The following NBAS variants were observed in gnomAD, a reference collection of about 807,000 sequenced individuals.
The protein encoded by NBAS is NAG/BC035112 fusion.
In NBAS, 219 loss-of-function variants were observed where a neutral mutation model predicts 302.5. The ratio of observed to expected loss-of-function variants is 0.72; its 90% CI spans 0.65 to 0.81. The LOEUF is 0.81. Among genes scored for constraint, NBAS ranks in the 30% least tolerant of loss-of-function variants. The pLI, the probability that NBAS is intolerant of heterozygous loss-of-function variation, is 0.00. For missense variants in NBAS, 2,932 were observed against 2,841.6 expected (o/e 1.03, Z -0.72); for synonymous variants, 1,118 against 1,021.6 (o/e 1.09, Z -1.80).
chr2:14,793,034 A>G, the NBAS span, among the ~76,000 whole-genome samples: 33 of 151,920 alleles, frequency 2.2e-4, 1 homozygote, highest in Admixed American at 2.0e-3. Flanking sequence ...AAGAGACACT[A>G]GGATGTTCAT....
At chr2:15,245,020 G>A (rs981284651) in intron 44 of NBAS, among the ~76,000 whole-genome samples, 6 of 152,018 alleles carry the variant, frequency 3.9e-5, no homozygotes, top group Non-Finnish European at 7.4e-5. Flanking sequence ...AAGTGGGTAC[G>A]GGCCCTGAGG....
the NBAS span, among the ~76,000 whole-genome samples, chr2:14,946,021 G>T: frequency 6.6e-6 from 1 of 152,138 alleles, no homozygotes; most frequent in Non-Finnish European, 1.5e-5. Context: ...GCAGTGAGCC[G>T]AGACTATGCC....
In NBAS at chr2:15,536,457, A is replaced by C; in HGVS notation, c.608T>G (p.Val203Gly). Residue 203 changes from valine (V) to glycine (G), a missense_variant, in exon 8 of 52, where the codon GTC becomes GGC. Transcript: ENST00000281513. ...TCTAAGTTCTCCTCGGTAATTGATG[A>C]CCAGGAGTTCTGCAGACCACTGTGC... ...ASAQWSAELL[V>G]INYRGELRSY... The C allele has an allele frequency of 6.2e-7, 1 of 1,613,752 alleles. No homozygotes were observed. Among genetic ancestry groups the C allele is most frequent in the Non-Finnish European group, 8.5e-7 (1 of 1,179,956 alleles).
chr2:15,512,260 A>C (rs1662177860), intron 9 of NBAS, among the ~76,000 whole-genome samples: 1 of 152,200 alleles, frequency 6.6e-6, no homozygotes, highest in Non-Finnish European at 1.5e-5. Flanking sequence ...AAATGTTATA[A>C]AATAAATATC....
chr2:15,430,427 T>A (rs1484763364), intron 21 of NBAS, among the ~76,000 whole-genome samples: 1 of 152,200 alleles, frequency 6.6e-6, no homozygotes, highest in African/African-American at 2.4e-5. Flanking sequence ...TGCTGCTGTA[T>A]CAGCAATGAT....
chr2:15,419,770 G>A (rs1677122071), intron 23 of NBAS, among the ~76,000 whole-genome samples: 1 of 151,872 alleles, frequency 6.6e-6, no homozygotes, highest in South Asian at 2.1e-4. Context: ...GGAGTGCAAT[G>A]GTGCGATCTC....
the NBAS span, among the ~76,000 whole-genome samples, chr2:14,865,097 T>C: frequency 4.6e-5 from 7 of 152,148 alleles, no homozygotes; most frequent in African/African-American, 1.7e-4. Context: ...AACTACCGCC[T>C]TCTGTTCTGG....
chr2:15,368,916 A>G (rs1674352207), intron 31 of NBAS, among the ~76,000 whole-genome samples: 1 of 152,212 alleles, frequency 6.6e-6, no homozygotes, highest in Admixed American at 6.5e-5. Context: ...TAAGCCTGTT[A>G]TCACATATTA....
chr2:15,212,133 C>T (rs1296979096), intron 48 of NBAS, among the ~76,000 whole-genome samples: 1 of 152,210 alleles, frequency 6.6e-6, no homozygotes, highest in Non-Finnish European at 1.5e-5. Flanking sequence ...ACACTTTACA[C>T]TTTCTTTTCT....
At position 15,539,292 on chromosome 2, in the gene NBAS, G is replaced by A. The variant is rs1663681197; in HGVS notation, c.444C>T (p.Ala148=). 1 of 1,614,084 alleles carries A rather than the reference G, an allele frequency of 6.2e-7. No homozygotes were observed. Among genetic ancestry groups the A allele is most frequent in the Non-Finnish European group, 8.5e-7 (1 of 1,180,044 alleles). ...TCACAGTTCCTGTGCTTTCGGCATA[G>A]GCCAGTAGGGTACAATCGTAACTCC... The part of the protein sequence containing the change: ...VAWSYDCTLL[A]YAESTGTVRV... The change falls in exon 7 of 52, where the codon GCC becomes GCT. Residue 148 remains alanine, a synonymous_variant. Transcript: ENST00000281513.
At chr2:15,177,500 C>T (rs1232726782) in intron 51 of NBAS, among the ~76,000 whole-genome samples, 1 of 152,062 alleles carries the variant, frequency 6.6e-6, no homozygotes, top group East Asian at 1.9e-4. Flanking sequence ...CCCATGGAAT[C>T]CAGGACTGTA....
intron 21 of NBAS, among the ~76,000 whole-genome samples, chr2:15,456,921 G>A (rs1487389752): frequency 6.6e-6 from 1 of 152,084 alleles, no homozygotes; most frequent in Non-Finnish European, 1.5e-5. Context: ...ACAGAGTATA[G>A]GCAAAAAGCA....
chr2:14,830,424 T>C, the NBAS span, among the ~76,000 whole-genome samples: 1 of 152,130 alleles, frequency 6.6e-6, no homozygotes, highest in Non-Finnish European at 1.5e-5. Context: ...TGGAGATACA[T>C]TTGCCCTCCC....
intron 48 of NBAS, among the ~76,000 whole-genome samples, 193 bp downstream of exon 48, chr2:15,218,580 C>T (rs1484408512): frequency 1.3e-5 from 2 of 152,164 alleles, no homozygotes; most frequent in Non-Finnish European, 2.9e-5. Context: ...CGTGCCACCA[C>T]ACCAGGCTGT....
chr2:15,538,613 C>G (rs577799892), intron 7 of NBAS, among the ~76,000 whole-genome samples: 3 of 152,224 alleles, frequency 2.0e-5, no homozygotes, highest in Non-Finnish European at 4.4e-5. Context: ...GACCCTGTAT[C>G]TCGTTCAGTT....
chr2:15,131,639 A>G, the NBAS span, among the ~76,000 whole-genome samples: 48,815 of 152,104 alleles, frequency 0.32, 8,088 homozygotes, highest in African/African-American at 0.38. Context: ...GTACATGTGC[A>G]CAAGGCTAAC....
At chr2:15,428,674 T>A (rs1189165349) in intron 21 of NBAS, among the ~76,000 whole-genome samples, 1 of 151,840 alleles carries the variant, frequency 6.6e-6, no homozygotes, top group Non-Finnish European at 1.5e-5. Flanking sequence ...TACTAAAAGG[T>A]TGAGACTGCA....
chr2:14,992,805 A>G, the NBAS span, among the ~76,000 whole-genome samples: 28 of 152,198 alleles, frequency 1.8e-4, no homozygotes, highest in African/African-American at 6.5e-4. Context: ...ACCACCACCT[A>G]CAACCACCAT....
intron 44 of NBAS, among the ~76,000 whole-genome samples, chr2:15,270,095 G>A (rs1669247402): frequency 6.6e-6 from 1 of 152,168 alleles, no homozygotes; most frequent in African/African-American, 2.4e-5. Flanking sequence ...TGGAGATATA[G>A]TTGTTTTTCA....
Sources: gnomAD v4.1 joint callset for allele counts (sites outside exome capture counted in the v4.1 genomes callset) on GRCh38, gnomAD v4.1.1 for gene constraint, MANE v1.5 for transcripts, NCBI Gene and HGNC (gene_info 2026-07-23, HGNC 2026-07-21) for gene names.